OCA2: variants seen among roughly 807,000 people sequenced by gnomAD.
OCA2 encodes OCA2 melanosomal transmembrane protein.
A neutral mutation model predicts 100.2 loss-of-function variants in OCA2; 77 were observed. The ratio of observed to expected loss-of-function variants is 0.77; its 90% confidence interval spans 0.64 to 0.93. The LOEUF is 0.93. Among genes scored for constraint, OCA2 ranks in the 40% least tolerant of loss-of-function variants. The probability of loss-of-function intolerance (pLI) is 0.00; values close to 1 mark genes in which losing one functional copy is unlikely to be tolerated. For synonymous variants in OCA2, 432 were observed against 439.2 expected, an observed-to-expected ratio of 0.98 and a Z score of 0.21; for missense variants, 1,062 against 1,089.1, an observed-to-expected ratio of 0.98 and a Z score of 0.35.
At chr15:28,075,818 C>T (rs62007489) in intron 2 of OCA2, among the ~76,000 whole-genome samples, 31,946 of 152,112 alleles carry the variant, frequency 0.21, 5,151 homozygotes, top group Non-Finnish European at 0.33. Context: ...ATTTATTTGA[C>T]ATGCTTGAAA....
chr15:28,015,260 T>C (rs2042354739), intron 8 of OCA2, among the ~76,000 whole-genome samples: 1 of 152,122 alleles, frequency 6.6e-6, no homozygotes, highest in Admixed American at 6.5e-5. Context: ...ACCTGCTAAC[T>C]AAGAGCAAAG....
intron 22 of OCA2, among the ~76,000 whole-genome samples, chr15:27,846,416 C>A (rs2035538960): frequency 6.6e-6 from 1 of 152,170 alleles, no homozygotes; most frequent in East Asian, 1.9e-4. Context: ...TCAGCCTGCA[C>A]CCTAAACCCT....
chr15:27,905,218 A>G (rs2038129783), intron 19 of OCA2, among the ~76,000 whole-genome samples: 3 of 151,956 alleles, frequency 2.0e-5, no homozygotes, highest in Admixed American at 2.0e-4. Context: ...TGGCAGTGGT[A>G]TAACTGCTTC....
downstream of OCA2, among the ~76,000 whole-genome samples, chr15:27,753,060 G>A (rs28628542): frequency 1.3e-5 from 2 of 152,080 alleles, no homozygotes; most frequent in African/African-American, 4.8e-5. Flanking sequence ...TTGAGGGGCA[G>A]TAAAGGTAGC....
chr15:27,842,255 G>A (rs896580325), intron 23 of OCA2, among the ~76,000 whole-genome samples: 1 of 152,202 alleles, frequency 6.6e-6, no homozygotes, highest in Non-Finnish European at 1.5e-5. Flanking sequence ...TAAAAAATAT[G>A]TAATCTATGG....
intron 17 of OCA2, among the ~76,000 whole-genome samples, chr15:27,952,384 G>A (rs190764024): frequency 6.6e-6 from 1 of 152,214 alleles, no homozygotes; most frequent in Admixed American, 6.5e-5. Flanking sequence ...CTGGTCATAG[G>A]GGGAGGGCAG....
chr15:27,847,208 C>T (rs1055436039), intron 22 of OCA2, among the ~76,000 whole-genome samples: 1 of 152,194 alleles, frequency 6.6e-6, no homozygotes, highest in African/African-American at 2.4e-5. Context: ...GCTTTACGGG[C>T]AACAGAAACC....
chr15:28,016,243 G>T, intron 7 of OCA2, 57 bp from the exon 8 acceptor site: 2 of 1,284,606 alleles, frequency 1.6e-6, no homozygotes, highest in Non-Finnish European at 1.1e-6. Flanking sequence ...CACCATCTGG[G>T]ATCTGGCACT....
Position 27,833,609 on chromosome 15 carries a change from C to T in OCA2, c.2432+11350G>A, listed in dbSNP as rs200738500. ...ATGGTTGAAATTAAGGATTCTCTGC[C>T]ATTAAATTAATAATATACCAAAAAC... On this transcript the variant is annotated intron_variant, in intron 23 of 23. Transcript: ENST00000354638. 3.9e-5 allele frequency among the ~76,000 whole-genome samples: 6 copies of T among 152,148 alleles called. No homozygotes were observed. The East Asian group carries it at 1.2e-3, about 29-fold the overall frequency.
chr15:28,086,282 C>T (rs1266845334), intron 1 of OCA2, among the ~76,000 whole-genome samples: 1 of 152,234 alleles, frequency 6.6e-6, no homozygotes, highest in African/African-American at 2.4e-5. Context: ...GGCCACTCCC[C>T]AGTGGTGTCA....
At chr15:28,081,557 T>A in intron 2 of OCA2, 91 bp downstream of exon 2, 1 of 1,334,872 alleles carries the variant, frequency 7.5e-7, no homozygotes, top group South Asian at 1.3e-5. Context: ...TTCTGGAAAT[T>A]TTTCCCACAA....
At chr15:27,879,465 T>C (rs898890515) in intron 19 of OCA2, among the ~76,000 whole-genome samples, 3 of 152,120 alleles carry the variant, frequency 2.0e-5, no homozygotes, top group African/African-American at 4.8e-5. Context: ...AATTTAGATT[T>C]ACACCAACAG....
intron 23 of OCA2, among the ~76,000 whole-genome samples, chr15:27,771,877 G>C (rs2031895875): frequency 6.6e-6 from 1 of 152,128 alleles, no homozygotes. Flanking sequence ...TACCAGTTCT[G>C]CCATTTTTAG....
At chr15:27,849,503 G>C (rs1458332858) in intron 22 of OCA2, among the ~76,000 whole-genome samples, 1 of 147,114 alleles carries the variant, frequency 6.8e-6, no homozygotes, top group Non-Finnish European at 1.5e-5. Flanking sequence ...AGCTCTTCAT[G>C]AAAAGAGCAA....
intron 9 of OCA2, among the ~76,000 whole-genome samples, chr15:28,001,402 A>T (rs1269771200): frequency 6.6e-6 from 1 of 152,146 alleles, no homozygotes; most frequent in Non-Finnish European, 1.5e-5. Context: ...ATACTGCATG[A>T]TCCCACTTAT....
chr15:27,844,361 T>TG, intron 23 of OCA2, among the ~76,000 whole-genome samples: 2 of 152,306 alleles, frequency 1.3e-5, no homozygotes, highest in Middle Eastern at 3.4e-3. Flanking sequence ...ACCGTCTTCG[T>TG]GGACAGTCAG....
At chr15:27,802,984 CT>C (rs2033676166) in intron 23 of OCA2, among the ~76,000 whole-genome samples, 3 of 152,194 alleles carry the variant, frequency 2.0e-5, no homozygotes, top group Admixed American at 1.3e-4. Context: ...AAGCCACAGA[CT>C]GGGAGAATAT....
intron 23 of OCA2, among the ~76,000 whole-genome samples, chr15:27,798,480 C>T (rs1465057548): frequency 6.6e-6 from 1 of 152,030 alleles, no homozygotes; most frequent in Non-Finnish European, 1.5e-5. Context: ...TCTTCATTTG[C>T]AGGAGGTCAT....
chr15:28,097,996 T>C (rs2045018069), intron 1 of OCA2, among the ~76,000 whole-genome samples: 1 of 152,214 alleles, frequency 6.6e-6, no homozygotes, highest in Non-Finnish European at 1.5e-5. Context: ...ACAGGTGTCA[T>C]GCCGCTGGGT....
Sources: gnomAD v4.1 joint callset for allele counts (sites outside exome capture counted in the v4.1 genomes callset) on GRCh38, gnomAD v4.1.1 for gene constraint, MANE v1.5 for transcripts, NCBI Gene and HGNC (gene_info 2026-07-23, HGNC 2026-07-21) for gene names.